FYN: variants seen among roughly 807,000 people sequenced by gnomAD.
The protein encoded by FYN is FYN proto-oncogene, Src family tyrosine kinase.
Under a neutral mutation model 70.2 loss-of-function variants are expected in FYN, and 10 were observed. The ratio of observed to expected loss-of-function variants is 0.14; its 90% CI spans 0.09 to 0.24. The LOEUF (loss-of-function observed/expected upper bound fraction) is 0.24, where lower values mean the gene tolerates loss of function less well. Ranked by LOEUF, FYN falls within the 10% of genes least tolerant of loss-of-function variation. The pLI, the probability that FYN is intolerant of heterozygous loss-of-function variation, is 1.00. For missense variants in FYN, 319 were observed against 673.1 expected (o/e 0.47, Z 5.82); for synonymous variants, 236 against 248.6 (o/e 0.95, Z 0.48).
chr6:111,685,903 C>T (rs575673883), intron 12 of FYN, among the ~76,000 whole-genome samples: 1 of 152,260 alleles, frequency 6.6e-6, no homozygotes, highest in East Asian at 1.9e-4. Context: ...AGAAGCTGGG[C>T]TTGAGGTGAC....
chr6:111,789,436 G>A (rs1771526247), intron 2 of FYN, among the ~76,000 whole-genome samples: 1 of 152,152 alleles, frequency 6.6e-6, no homozygotes, highest in African/African-American at 2.4e-5. Context: ...AGTAGTAGTA[G>A]CAGCAGTAGT....
chr6:111,844,932 T>G (rs1015513122), intron 2 of FYN: 1 of 152,268 alleles, frequency 6.6e-6, no homozygotes, highest in Admixed American at 6.5e-5. Context: ...ACCACTTTAC[T>G]GATAAGAAAA....
chr6:111,795,922 A>G (rs1771790013), intron 2 of FYN, among the ~76,000 whole-genome samples: 1 of 152,244 alleles, frequency 6.6e-6, no homozygotes, highest in African/African-American at 2.4e-5. Flanking sequence ...GTAGTTAGGC[A>G]ATAAATAAGG....
At chr6:111,735,330 C>T (rs1458631573) in intron 3 of FYN, among the ~76,000 whole-genome samples, 1 of 152,114 alleles carries the variant, frequency 6.6e-6, no homozygotes, top group African/African-American at 2.4e-5. Flanking sequence ...CAGTCAGAAG[C>T]CAAATCTTAA....
intron 2 of FYN, among the ~76,000 whole-genome samples, chr6:111,827,785 G>A (rs891716642): frequency 4.6e-5 from 7 of 152,066 alleles, no homozygotes; most frequent in Non-Finnish European, 1.0e-4. Context: ...AACACAACAA[G>A]CCCTGCTGAG....
At chr6:111,872,641 G>GC (rs1774316250) in intron 1 of FYN, among the ~76,000 whole-genome samples, 1 of 152,028 alleles carries the variant, frequency 6.6e-6, no homozygotes, top group Admixed American at 6.5e-5. Flanking sequence ...CCCGCGGGGG[G>GC]CCCCAAAAGG....
chr6:111,706,532 T>C (rs755877445), intron 6 of FYN, among the ~76,000 whole-genome samples: 17 of 152,216 alleles, frequency 1.1e-4, no homozygotes, highest in Non-Finnish European at 2.4e-4. Flanking sequence ...TTGTGAGAAA[T>C]GGCTTTCTGG....
chr6:111,854,079 T>C (rs1030031234), intron 1 of FYN, among the ~76,000 whole-genome samples: 3 of 152,220 alleles, frequency 2.0e-5, no homozygotes, highest in Non-Finnish European at 2.9e-5. Flanking sequence ...GTTAAGCACT[T>C]GTTCAGATGT....
intron 6 of FYN, among the ~76,000 whole-genome samples, chr6:111,707,498 C>T (rs909250726): frequency 1.6e-4 from 25 of 152,308 alleles, no homozygotes; most frequent in African/African-American, 6.0e-4. Context: ...TTTAATATTT[C>T]TGATCACACT....
Position 111,832,354 on chromosome 6 carries a change from C to A in FYN, c.-82+14235G>T, listed in dbSNP as rs189503231. On this transcript the variant is annotated intron_variant, in intron 2 of 13. Transcript: ENST00000354650. ...TTTCCAGCTATTAGCTGCTAATATA[C>A]AGAAATGCAATTGATTTGTCTATTG... 6.6e-5 allele frequency among the ~76,000 whole-genome samples: 10 copies of A among 152,300 alleles called. No individual in the cohort carries two copies. The East Asian group carries it at 1.7e-3, about 26-fold the overall frequency.
intron 12 of FYN, among the ~76,000 whole-genome samples, chr6:111,681,294 C>T (rs1205997180): frequency 6.6e-6 from 1 of 152,134 alleles, no homozygotes; most frequent in African/African-American, 2.4e-5. Flanking sequence ...TCCCAAAGTG[C>T]TGCAATTACA....
intron 12 of FYN, among the ~76,000 whole-genome samples, chr6:111,680,346 CTATTA>C (rs1400073473): frequency 6.6e-6 from 1 of 152,178 alleles, no homozygotes; most frequent in African/African-American, 2.4e-5. Flanking sequence ...AAATGAATGG[CTATTA>C]TATATGTCAA....
intron 2 of FYN, among the ~76,000 whole-genome samples, chr6:111,797,577 G>A (rs62413696): frequency 6.7e-6 from 1 of 148,346 alleles, no homozygotes; most frequent in African/African-American, 2.5e-5. Flanking sequence ...TCACACAATG[G>A]AAAACTTCAG....
chr6:111,818,809 T>C (rs548750506), intron 2 of FYN: 1 of 152,402 alleles, frequency 6.6e-6, no homozygotes, highest in East Asian at 1.9e-4. Flanking sequence ...TGTAACATCG[T>C]AGCAGCTCCT....
At chr6:111,719,019 A>G (rs933110279) in intron 4 of FYN, among the ~76,000 whole-genome samples, 1 of 152,190 alleles carries the variant, frequency 6.6e-6, no homozygotes, top group Admixed American at 6.5e-5. Flanking sequence ...GATTCTTTCA[A>G]ACTTTTATAT....
chr6:111,699,210 G>A (rs960408199), intron 9 of FYN, among the ~76,000 whole-genome samples: 4 of 152,130 alleles, frequency 2.6e-5, no homozygotes, highest in South Asian at 2.1e-4. Flanking sequence ...TGAGCAAAAC[G>A]TCCATGGTCT....
chr6:111,764,118 G>A (rs1803114259), intron 3 of FYN, among the ~76,000 whole-genome samples: 1 of 147,872 alleles, frequency 6.8e-6, no homozygotes. Flanking sequence ...AGGGAGTCCA[G>A]TAGGCTACAC....
At chr6:111,757,025 T>C (rs1045026690) in intron 3 of FYN, among the ~76,000 whole-genome samples, 2 of 152,020 alleles carry the variant, frequency 1.3e-5, no homozygotes, top group Non-Finnish European at 2.9e-5. Flanking sequence ...AAAAAATAAA[T>C]ATATAAAAGA....
At chr6:111,800,083 C>T (rs1199588865) in intron 2 of FYN, among the ~76,000 whole-genome samples, 2 of 151,928 alleles carry the variant, frequency 1.3e-5, no homozygotes, top group African/African-American at 2.4e-5. Context: ...TTGTTGATGC[C>T]CTGTGGGTAT....
Sources: allele counts gnomAD v4.1 joint callset (sites outside exome capture counted in the v4.1 genomes callset), GRCh38; gene constraint gnomAD v4.1.1; transcripts MANE v1.5; gene names NCBI Gene and HGNC (gene_info 2026-07-23, HGNC 2026-07-21).